The following RASA1 variants were observed in gnomAD, a reference collection of about 807,000 sequenced individuals.
The protein encoded by RASA1 is RAS p21 protein activator 1, also known as ras GTPase-activating protein 1.
A neutral mutation model predicts 132.2 loss-of-function variants in RASA1; 25 were observed. The observed-to-expected ratio is 0.19, with a 90% CI of 0.14 to 0.26. The LOEUF is 0.26. RASA1 is among the 10% of genes least tolerant of loss of function. The pLI is 1.00. For synonymous variants in RASA1, 477 were observed against 449.9 expected (o/e 1.06, Z -0.76); for missense variants, 964 against 1,299.2 (o/e 0.74, Z 3.97).
intron 3 of RASA1, 135 bp downstream of exon 3, chr5:87,332,777 A>C (rs1757690721): frequency 1.1e-6 from 1 of 912,956 alleles, no homozygotes. Context: ...TCGGGTTATA[A>C]TGTCAGAACA....
intron 14 of RASA1, among the ~76,000 whole-genome samples, chr5:87,374,530 AGTT>A (rs1285059020): frequency 1.5e-5 from 2 of 136,376 alleles, no homozygotes; most frequent in African/African-American, 5.6e-5. Context: ...TTTTCCACTT[AGTT>A]ATTAACATGA....
chr5:87,313,802 A>C (rs1756104884), intron 1 of RASA1, among the ~76,000 whole-genome samples: 1 of 152,238 alleles, frequency 6.6e-6, no homozygotes, highest in African/African-American at 2.4e-5. Context: ...AATGAGAGAG[A>C]TTTCTGTAGA....
At chr5:87,367,963 C>G (rs1390802820) in intron 11 of RASA1, among the ~76,000 whole-genome samples, 1 of 151,224 alleles carries the variant, frequency 6.6e-6, no homozygotes, top group Non-Finnish European at 1.5e-5. Context: ...TAAAATGTAC[C>G]AACTATAAAT....
intron 1 of RASA1, among the ~76,000 whole-genome samples, chr5:87,287,364 A>G (rs1754662488): frequency 6.7e-6 from 1 of 148,370 alleles, no homozygotes; most frequent in African/African-American, 2.5e-5. Flanking sequence ...TACACCATAT[A>G]TATACCATAT....
At position 87,268,497 on chromosome 5, in the gene RASA1, G is replaced by A; in HGVS notation, c.46G>A (p.Ala16Thr). Residue 16 changes from alanine (A) to threonine (T), a missense_variant, in exon 1 of 25, where the codon GCC becomes ACC. Physicochemically the swap from Ala to Thr is moderately conservative, Grantham distance 58. Transcript: ENST00000274376. Reference protein sequence around the residue: ...AGSEEGGPVTAGAGGGGAAAG... With the variant: ...AGSEEGGPVTTGAGGGGAAAG... ...CAGTGAGGAGGGCGGCCCGGTAACA[G>A]CCGGAGCTGGAGGAGGCGGCGCGGC... 1 of 1,565,306 alleles carries A rather than the reference G, an allele frequency of 6.4e-7. No individual in the cohort carries two copies. Among genetic ancestry groups the A allele is most frequent in the Non-Finnish European group, 8.7e-7 (1 of 1,155,816 alleles).
chr5:87,368,329 G>A, intron 11 of RASA1, among the ~76,000 whole-genome samples: 1 of 151,526 alleles, frequency 6.6e-6, no homozygotes, highest in East Asian at 1.9e-4. Flanking sequence ...ACAGTTTCTG[G>A]CAAAATTCTT....
intron 23 of RASA1, among the ~76,000 whole-genome samples, chr5:87,387,283 C>G (rs1762128035): frequency 6.6e-6 from 1 of 152,080 alleles, no homozygotes; most frequent in African/African-American, 2.4e-5. Context: ...TGACACAGTT[C>G]TGACCAGGTT....
At chr5:87,298,535 C>A (rs943591545) in intron 1 of RASA1, among the ~76,000 whole-genome samples, 1 of 151,890 alleles carries the variant, frequency 6.6e-6, no homozygotes. Context: ...TGTGGGAATT[C>A]GGAGGCTACA....
At chr5:87,279,536 T>C (rs1754219856) in intron 1 of RASA1, among the ~76,000 whole-genome samples, 5 of 152,214 alleles carry the variant, frequency 3.3e-5, no homozygotes. Flanking sequence ...GTACAATTAC[T>C]GGATTGTATG....
intron 24 of RASA1, 40 bp from the exon 25 acceptor site, chr5:87,390,760 G>T: frequency 6.5e-7 from 1 of 1,541,874 alleles, no homozygotes; most frequent in Non-Finnish European, 9.0e-7. Context: ...ATTGCTGACC[G>T]AGCTTTCATT....
In RASA1 at chr5:87,390,782, C is replaced by A; in HGVS notation, c.3061-18C>A. Reference sequence around the variant, plus strand: ...ACCGAGCTTTCATTTATTTTCATACCATTTTTCCTCTGTCTAGCACGTATT... The same window carrying A: ...ACCGAGCTTTCATTTATTTTCATACAATTTTTCCTCTGTCTAGCACGTATT... On this transcript the variant is annotated intron_variant, in intron 24 of 24. Coordinates refer to ENST00000274376, the MANE Select transcript of RASA1 (RefSeq NM_002890.3). 1 of 1,594,710 alleles carries A rather than the reference C, an allele frequency of 6.3e-7. No individual in the cohort carries two copies. The highest frequency in any genetic ancestry group is 8.6e-7 in the Non-Finnish European group (1 of 1,162,644).
At chr5:87,319,593 G>C (rs1488909299) in intron 1 of RASA1, among the ~76,000 whole-genome samples, 1 of 152,188 alleles carries the variant, frequency 6.6e-6, no homozygotes, top group Non-Finnish European at 1.5e-5. Context: ...TGGAGCTGGA[G>C]TGGCTGGGAT....
rs146232986 is a variant in RASA1 at position 87,300,293 on chromosome 5, C to T, written c.540-31055C>T. ...TTGGGAGGCTGGGGTAGGAAGTTCA[C>T]GTGAGCCCAAGTGGTTGAGCTTGCA... On this transcript the variant is annotated intron_variant, in intron 1 of 24. Coordinates refer to ENST00000274376, the MANE Select transcript of RASA1 (RefSeq NM_002890.3). Among the ~76,000 whole-genome samples, 47 of 152,260 alleles carry T rather than the reference C, an allele frequency of 3.1e-4. No individual in the cohort carries two copies. In the East Asian group the frequency reaches 8.1e-3, roughly 26 times the overall value.
chr5:87,302,602 T>TGTATA (rs753145133), intron 1 of RASA1, among the ~76,000 whole-genome samples: 5 of 149,838 alleles, frequency 3.3e-5, no homozygotes, highest in Admixed American at 1.3e-4. Context: ...TATACTATAC[T>TGTATA]GTATAGTATA....
rs527807495 is a variant in RASA1, at chr5:87,332,496, T to C, written c.693-11T>C. ...GATTTTTTTATACTGTATTTTTTCC[T>C]GTTCAAATAGGATTATTGCTATGTG... On this transcript the variant is annotated splice_polypyrimidine_tract_variant and intron_variant, in intron 2 of 24. Coordinates refer to ENST00000274376, the MANE Select transcript of RASA1 (RefSeq NM_002890.3). 1.2e-6 allele frequency: 2 copies of C among 1,602,948 alleles called. No individual in the cohort carries two copies. The highest frequency in any genetic ancestry group is 2.2e-5 in the East Asian group (1 of 44,600).
chr5:87,269,163 A>G (rs1457868431), intron 1 of RASA1, 173 bp downstream of exon 1: 2 of 1,612,408 alleles, frequency 1.2e-6, no homozygotes, highest in South Asian at 1.1e-5. Flanking sequence ...CCTTACAGGC[A>G]TACTACCTGG....
chr5:87,275,453 G>A (rs576105218), intron 1 of RASA1, among the ~76,000 whole-genome samples: 12 of 152,316 alleles, frequency 7.9e-5, no homozygotes, highest in African/African-American at 2.9e-4. Context: ...AATGTCCACT[G>A]TGGCTTCTTA....
chr5:87,271,783 C>G (rs1266349397), intron 1 of RASA1, among the ~76,000 whole-genome samples: 2 of 151,834 alleles, frequency 1.3e-5, no homozygotes, highest in African/African-American at 4.8e-5. Context: ...GCCCAATAGA[C>G]TGTTTTTTAG....
intron 10 of RASA1, 102 bp downstream of exon 10, chr5:87,362,773 A>G: frequency 7.3e-7 from 1 of 1,364,810 alleles, no homozygotes. Flanking sequence ...GACATGAGTT[A>G]TTAGTAATTG....
Sources: gnomAD v4.1 joint callset for allele counts (sites outside exome capture counted in the v4.1 genomes callset) on GRCh38, gnomAD v4.1.1 for gene constraint, MANE v1.5 for transcripts, NCBI Gene and HGNC (gene_info 2026-07-23, HGNC 2026-07-21) for gene names.